TUSC3: variants seen among roughly 807,000 people sequenced by gnomAD.
TUSC3 encodes the protein dolichyl-diphosphooligosaccharide--protein glycosyltransferase subunit TUSC3.
TUSC3 carries 45 observed loss-of-function variants against 44.8 expected under a neutral mutation model. The ratio of observed to expected loss-of-function variants is 1.00; its 90% confidence interval spans 0.79 to 1.29. The LOEUF (loss-of-function observed/expected upper bound fraction) is 1.29, where lower values mean the gene tolerates loss of function less well. Ranked by LOEUF, TUSC3 falls within the 50% of genes most tolerant of loss-of-function variation. The pLI, the probability that TUSC3 is intolerant of heterozygous loss-of-function variation, is 0.00. For missense variants in TUSC3, 519 were observed against 437.9 expected (o/e 1.19, Z -1.65); for synonymous variants, 212 against 152.9 (o/e 1.39, Z -2.85).
intron 1 of TUSC3, among the ~76,000 whole-genome samples, chr8:15,611,964 T>C (rs1261869521): frequency 2.0e-5 from 3 of 152,202 alleles, no homozygotes; most frequent in Non-Finnish European, 4.4e-5. Context: ...TGGGTTTTCA[T>C]TGAACTCCTT....
the TUSC3 span, among the ~76,000 whole-genome samples, chr8:15,831,556 A>G: frequency 6.6e-6 from 1 of 152,212 alleles, no homozygotes; most frequent in Admixed American, 6.5e-5. Context: ...GAATTACAAC[A>G]AAATGATATG....
the TUSC3 span, among the ~76,000 whole-genome samples, chr8:15,807,973 A>G: frequency 5.3e-5 from 7 of 132,998 alleles, no homozygotes; most frequent in South Asian, 1.8e-3. Flanking sequence ...CGTGTGATAT[A>G]ACCATGTCAC....
chr8:15,539,294 A>C (rs940245707), upstream of TUSC3, among the ~76,000 whole-genome samples: 8 of 150,942 alleles, frequency 5.3e-5, no homozygotes, highest in African/African-American at 1.7e-4. Flanking sequence ...GATGCATTAG[A>C]ACGGATCAGG....
chr8:15,606,120 A>G (rs145352192), intron 1 of TUSC3, among the ~76,000 whole-genome samples: 1 of 152,142 alleles, frequency 6.6e-6, no homozygotes, highest in East Asian at 1.9e-4. Flanking sequence ...CAAGAAGCAG[A>G]CAAGCCATGA....
At chr8:15,723,456 A>G (rs745751712) in intron 6 of TUSC3, among the ~76,000 whole-genome samples, 3 of 152,142 alleles carry the variant, frequency 2.0e-5, no homozygotes, top group Non-Finnish European at 4.4e-5. Flanking sequence ...CAAGCACAAG[A>G]TATGTGCAGC....
intron 1 of TUSC3, among the ~76,000 whole-genome samples, chr8:15,437,006 C>T (rs911936910): frequency 6.6e-6 from 1 of 152,100 alleles, no homozygotes; most frequent in Non-Finnish European, 1.5e-5. Context: ...AAAATTGATG[C>T]ATGAACACAG....
intron 6 of TUSC3, among the ~76,000 whole-genome samples, chr8:15,701,465 T>A (rs1274620174): frequency 1.3e-5 from 2 of 152,256 alleles, no homozygotes; most frequent in South Asian, 2.1e-4. Context: ...AGAATAATAT[T>A]ACCAGAATAG....
At chr8:15,628,871 A>T (rs1003168610) in intron 2 of TUSC3, among the ~76,000 whole-genome samples, 15 of 152,176 alleles carry the variant, frequency 9.9e-5, no homozygotes, top group Non-Finnish European at 2.2e-4. Flanking sequence ...GTGGATTAGG[A>T]GAATGAGTAG....
intron 1 of TUSC3, among the ~76,000 whole-genome samples, chr8:15,437,861 T>C (rs897881590): frequency 6.6e-6 from 1 of 152,306 alleles, no homozygotes; most frequent in Admixed American, 6.5e-5. Context: ...AATTCACCTC[T>C]GCTCGTGTAT....
chr8:15,555,276 ATTTTTT>A (rs35757466), intron 1 of TUSC3, among the ~76,000 whole-genome samples: 40 of 44,888 alleles, frequency 8.9e-4, no homozygotes, highest in East Asian at 7.8e-3. Context: ...TGCCAGGCTA[ATTTTTT>A]TTTTTTTTTT....
chr8:15,686,468 A>C (rs1808632463), intron 6 of TUSC3, among the ~76,000 whole-genome samples: 1 of 152,120 alleles, frequency 6.6e-6, no homozygotes, highest in African/African-American at 2.4e-5. Context: ...CTGCTGATTT[A>C]GTCTAAAATT....
intron 1 of TUSC3, among the ~76,000 whole-genome samples, chr8:15,586,122 C>T (rs1170624414): frequency 6.6e-6 from 1 of 152,016 alleles, no homozygotes; most frequent in East Asian, 1.9e-4. Context: ...TAATTATGTT[C>T]ATATAAGGTC....
intron 1 of TUSC3, among the ~76,000 whole-genome samples, chr8:15,451,470 C>T (rs913758863): frequency 6.6e-6 from 1 of 152,060 alleles, no homozygotes; most frequent in Non-Finnish European, 1.5e-5. Flanking sequence ...CATAATGAAG[C>T]CTCCATAAAA....
intron 2 of TUSC3, among the ~76,000 whole-genome samples, chr8:15,506,734 C>A (rs1801056379): frequency 6.6e-6 from 1 of 152,148 alleles, no homozygotes; most frequent in Admixed American, 6.5e-5. Context: ...ATTCAGTTAC[C>A]TCCCACCAAG....
intron 2 of TUSC3, among the ~76,000 whole-genome samples, chr8:15,513,143 G>C (rs1801164973): frequency 6.6e-6 from 1 of 151,372 alleles, no homozygotes; most frequent in Non-Finnish European, 1.5e-5. Context: ...TCACAAATGA[G>C]TGTGACATCA....
chr8:15,716,658 C>T (rs1047912857), intron 6 of TUSC3, among the ~76,000 whole-genome samples: 21 of 151,818 alleles, frequency 1.4e-4, no homozygotes, highest in South Asian at 2.1e-4. Flanking sequence ...GTACTAACTA[C>T]GAAATATCAA....
At chr8:15,447,682 C>T (rs1315968214) in intron 1 of TUSC3, among the ~76,000 whole-genome samples, 1 of 150,348 alleles carries the variant, frequency 6.7e-6, no homozygotes, top group Non-Finnish European at 1.5e-5. Context: ...AAAGCATGAA[C>T]ATAATTATGT....
chr8:15,428,710 G>A (rs200135323), intron 1 of TUSC3, among the ~76,000 whole-genome samples: 1 of 152,058 alleles, frequency 6.6e-6, no homozygotes, highest in Admixed American at 6.6e-5. Flanking sequence ...TTGCATTTCT[G>A]TGATGGCCAG....
intron 2 of TUSC3, among the ~76,000 whole-genome samples, chr8:15,507,730 A>G (rs975215116): frequency 2.6e-5 from 4 of 152,138 alleles, no homozygotes; most frequent in African/African-American, 7.2e-5. Context: ...TGGAAATTCA[A>G]CTAATAGAAG....
Sources: allele counts gnomAD v4.1 joint callset (sites outside exome capture counted in the v4.1 genomes callset), GRCh38; gene constraint gnomAD v4.1.1; transcripts MANE v1.5; gene names NCBI Gene and HGNC (gene_info 2026-07-23, HGNC 2026-07-21).